The following GAK variants were observed in gnomAD, a reference collection of about 807,000 sequenced individuals.
GAK encodes the protein cyclin-G-associated kinase.
GAK carries 79 observed loss-of-function variants against 143.9 expected under a neutral mutation model. The ratio of observed to expected loss-of-function variants is 0.55; its 90% CI spans 0.46 to 0.66. GAK has a LOEUF of 0.66. Among genes scored for constraint, GAK ranks in the 30% least tolerant of loss-of-function variants. GAK has a pLI of 0.00. For synonymous variants in GAK, 881 were observed against 765.5 expected (o/e 1.15, Z -2.49); for missense variants, 1,693 against 1,779.7 (o/e 0.95, Z 0.88).
chr4:884,974 A>T (rs1715982235), intron 11 of GAK, among the ~76,000 whole-genome samples: 1 of 151,956 alleles, frequency 6.6e-6, no homozygotes, highest in Admixed American at 6.5e-5. Flanking sequence ...ACGTTTTAAA[A>T]GCCGTCTAAA....
chr4:857,296 T>C (rs1281768551), intron 24 of GAK, among the ~76,000 whole-genome samples: 7 of 152,284 alleles, frequency 4.6e-5, no homozygotes, highest in African/African-American at 1.4e-4. Flanking sequence ...GCTGTTTCTG[T>C]CTGATTTTGG....
intron 18 of GAK, among the ~76,000 whole-genome samples, chr4:874,961 T>C (rs1014371640): frequency 6.6e-6 from 1 of 152,210 alleles, no homozygotes. Context: ...ATTCCACTGT[T>C]AATCATGTAC....
At chr4:883,255 C>T in intron 13 of GAK, 60 bp downstream of exon 13, 1 of 1,588,400 alleles carries the variant, frequency 6.3e-7, no homozygotes, top group Non-Finnish European at 8.6e-7. Context: ...AGCTATGCCC[C>T]TGCACTGGAG....
At chr4:904,929 C>A in intron 4 of GAK, 150 bp from the exon 5 acceptor site, 1 of 730,238 alleles carries the variant, frequency 1.4e-6, no homozygotes, top group Non-Finnish European at 2.2e-6. Context: ...GAGGTGACTC[C>A]CTTTGACCTT....
intron 5 of GAK, among the ~76,000 whole-genome samples, chr4:900,153 A>G (rs1411613801): frequency 6.6e-6 from 1 of 152,222 alleles, no homozygotes; most frequent in African/African-American, 2.4e-5. Flanking sequence ...TCTACAGCCA[A>G]CAGAGACGAA....
chr4:879,900 T>C (rs1414313676), intron 15 of GAK, among the ~76,000 whole-genome samples: 1 of 152,254 alleles, frequency 6.6e-6, no homozygotes, highest in African/African-American at 2.4e-5. Flanking sequence ...CAAAGGCCAC[T>C]GACTCAGCCT....
At position 888,657 on chromosome 4, in the gene GAK, C is replaced by A. The variant is rs373920459; in HGVS notation, c.1205+190G>T. On this transcript the variant is annotated intron_variant, in intron 11 of 27. Transcript: ENST00000314167. ...CCCCAGGCGATGAAAGGAAAGGGAT[C>A]TGCCTGGCTCTGTGGGATGCTGGGC... 163 of 653,158 alleles carry A rather than the reference C, an allele frequency of 2.5e-4. 1 individual carries two copies. The African/African-American group carries it at 2.7e-3, about 11-fold the overall frequency. The allele number at this position is 653,158 out of a possible 1,614,324, so 40.5% of individuals were successfully genotyped here. A position where few individuals can be genotyped will look rare whatever the true frequency, so the allele number is the denominator to read the frequency against.
intron 24 of GAK, chr4:852,298 C>T (rs561893664): frequency 3.7e-4 from 148 of 403,210 alleles, no homozygotes; most frequent in Admixed American, 2.2e-3. Context: ...AGTGTCCCCA[C>T]GTCACCCCCA....
At chr4:928,356 C>A (rs1351026287) in intron 1 of GAK, among the ~76,000 whole-genome samples, 1 of 152,224 alleles carries the variant, frequency 6.6e-6, no homozygotes, top group Non-Finnish European at 1.5e-5. Flanking sequence ...TCGTGCCCGG[C>A]CCGGTCTACT....
chr4:851,946 GC>G lies in GAK; in HGVS notation c.3311del (p.Gly1104AlafsTer52). On this transcript the variant is annotated frameshift_variant, in exon 25 of 28. Coordinates refer to ENST00000314167, the MANE Select transcript of GAK (RefSeq NM_005255.4). LOFTEE classifies it high-confidence loss of function. The part of the protein sequence containing the change: ...QGSPAGFPPG[G>X]FIPKTATTPK... ...GCGTGGTGGCCGTTTTGGGAATGAA[GC>G]CCCCAGGAGGGAATCCAGCTGGTGA... 1 of 1,613,742 alleles carries G rather than the reference GC, an allele frequency of 6.2e-7. No individual in the cohort carries two copies. Among genetic ancestry groups the G allele is most frequent in the Non-Finnish European group, 8.5e-7 (1 of 1,179,842 alleles).
chr4:899,366 G>C (rs755411719), intron 5 of GAK, among the ~76,000 whole-genome samples: 2 of 152,146 alleles, frequency 1.3e-5, no homozygotes, highest in East Asian at 1.9e-4. Flanking sequence ...GGCTCCAAGA[G>C]GGCAGCACGC....
chr4:868,984 GCACA>G lies in GAK; in HGVS notation c.2249-303_2249-300del. ...ACACATATGCAGGGTACACATGAAT[GCACA>G]CACACAGCTGCACGGTACACACGAA... On this transcript the variant is annotated intron_variant, in intron 19 of 27. Transcript: ENST00000314167. The G allele has an allele frequency of 1.7e-5, 7 of 408,498 alleles. No homozygotes were observed. In the South Asian group the frequency reaches 1.8e-4, roughly 11 times the overall value. The allele number at this position is 408,498 out of a possible 1,614,324, so 25.3% of individuals were successfully genotyped here.
intron 23 of GAK, among the ~76,000 whole-genome samples, chr4:860,898 T>C (rs1489229316): frequency 6.6e-6 from 1 of 152,254 alleles, no homozygotes; most frequent in African/African-American, 2.4e-5. Flanking sequence ...GTCAACTCTG[T>C]CCGGCACCAT....
chr4:878,693 T>C (rs1714489311), intron 15 of GAK, among the ~76,000 whole-genome samples: 1 of 152,220 alleles, frequency 6.6e-6, no homozygotes. Context: ...TGATCAGTTT[T>C]TGCCTGATGG....
intron 1 of GAK, among the ~76,000 whole-genome samples, chr4:914,377 C>G (rs1253844005): frequency 2.0e-5 from 2 of 101,858 alleles, no homozygotes; most frequent in African/African-American, 4.0e-5. Context: ...CCCCCACACA[C>G]ACAGCCCCAG....
chr4:867,391 TG>T lies in GAK; in HGVS notation c.2436del (p.Lys813ArgfsTer7), dbSNP rs1751399940. The T allele has an allele frequency of 6.4e-7, 1 of 1,553,220 alleles. No individual in the cohort carries two copies. Among genetic ancestry groups the T allele is most frequent in the Admixed American group, 1.9e-5 (1 of 52,850 alleles). On this transcript the variant is annotated frameshift_variant, in exon 21 of 28. Transcript: ENST00000314167. LOFTEE classifies it high-confidence loss of function. ...EAETGAENASSKESESALMED... is the reference protein window; with the variant it reads ...EAETGAENASXKESESALMED... ...TCCATCAGGGCAGACTCGCTCTCCT[TG>T]GAAGAGGCATTTTCTGCACCAGTCT...
chr4:921,650 G>A (rs1444999696), intron 1 of GAK, among the ~76,000 whole-genome samples: 1 of 149,582 alleles, frequency 6.7e-6, no homozygotes, highest in Non-Finnish European at 1.5e-5. Flanking sequence ...ACTTCACAAT[G>A]AAAAACTTTG....
chr4:915,402 CAGAG>C (rs1722963471), intron 1 of GAK: 1 of 164,816 alleles, frequency 6.1e-6, no homozygotes, highest in Non-Finnish European at 1.3e-5. Context: ...CAGACTGATC[CAGAG>C]AGAGAGGACA....
chr4:903,720 CGAGG>C (rs1560405338), intron 5 of GAK, among the ~76,000 whole-genome samples: 2,107 of 134,334 alleles, frequency 0.016, 45 homozygotes, highest in African/African-American at 0.057. Flanking sequence ...GGGGGGCGGC[CGAGG>C]AAGGAGTGTG....
Sources: gnomAD v4.1 joint callset for allele counts (sites outside exome capture counted in the v4.1 genomes callset) on GRCh38, gnomAD v4.1.1 for gene constraint, MANE v1.5 for transcripts, NCBI Gene and HGNC (gene_info 2026-07-23, HGNC 2026-07-21) for gene names.